The following CRHBP variants were observed in gnomAD, a reference collection of about 807,000 sequenced individuals.
The protein encoded by CRHBP is corticotropin releasing hormone binding protein.
Under a neutral mutation model 34.9 loss-of-function variants are expected in CRHBP, and 19 were observed. That is an observed-to-expected ratio of 0.55 (90% CI 0.38 to 0.80). CRHBP has a LOEUF of 0.80. CRHBP is among the 30% of genes least tolerant of loss of function. The pLI is 0.00. For missense variants in CRHBP, 328 were observed against 409.2 expected (o/e 0.80, Z 1.71); for synonymous variants, 154 against 153.4 (o/e 1.00, Z -0.03).
chr5:76,953,730 A>G (rs1157543479), intron 2 of CRHBP, 36 bp downstream of exon 2: 1 of 1,567,192 alleles, frequency 6.4e-7, no homozygotes, highest in Non-Finnish European at 8.7e-7. Flanking sequence ...GGCGCCCGGG[A>G]CGCGGGGAAG....
Position 76,955,851 on chromosome 5 carries a change from C to T in CRHBP, c.532C>T (p.Pro178Ser). Residue 178 changes from proline (P) to serine (S), a missense_variant, in exon 4 of 7, where the codon CCC becomes TCC. By Grantham distance (74) the Pro-to-Ser change is moderately conservative (BLOSUM62 -1). Transcript: ENST00000274368. ...ATTCACATTAACCATAAAGACAGAC[C>T]CCAACCTCTTTCGTAAGTGTTCTCA... is the stretch of plus-strand genomic sequence containing the variant. ...NGFTLTIKTDPNLFPCNVISQ... is the reference protein window; with the variant it reads ...NGFTLTIKTDSNLFPCNVISQ... 6.2e-7 allele frequency: 1 copy of T among 1,613,808 alleles called. No individual in the cohort carries two copies. The highest frequency in any genetic ancestry group is 8.5e-7 in the Non-Finnish European group (1 of 1,179,808).
downstream of CRHBP, among the ~76,000 whole-genome samples, chr5:76,972,504 A>AT (rs1399355451): frequency 6.6e-6 from 1 of 152,090 alleles, no homozygotes; most frequent in Non-Finnish European, 1.5e-5. Context: ...TCTCAAAAAA[A>AT]AAAAATTTAT....
intron 3 of CRHBP, among the ~76,000 whole-genome samples, chr5:76,978,014 C>A (rs1450815887): frequency 6.6e-6 from 1 of 152,140 alleles, no homozygotes; most frequent in Non-Finnish European, 1.5e-5. Flanking sequence ...AAGCCAAAAC[C>A]TAATCCAGAG....
At chr5:76,970,147 T>C (rs1480181971), downstream of CRHBP, among the ~76,000 whole-genome samples, 1 of 152,022 alleles carries the variant, frequency 6.6e-6, no homozygotes, top group East Asian at 1.9e-4. Context: ...GGTTTCACCA[T>C]GTTGGCCAAG....
intron 6 of CRHBP, among the ~76,000 whole-genome samples, chr5:76,965,473 G>A (rs918840411): frequency 1.4e-4 from 21 of 152,320 alleles, no homozygotes; most frequent in African/African-American, 5.1e-4. Flanking sequence ...TAAACTGTCA[G>A]TGCATGCGGC....
At chr5:76,976,133 C>T (rs1746032316) in intron 2 of CRHBP, among the ~76,000 whole-genome samples, 1 of 151,600 alleles carries the variant, frequency 6.6e-6, no homozygotes, top group South Asian at 2.1e-4. Context: ...CATCCTCACC[C>T]TCTCTTTTTA....
downstream of CRHBP, among the ~76,000 whole-genome samples, chr5:76,970,339 C>T (rs1427063113): frequency 6.6e-6 from 1 of 151,924 alleles, no homozygotes; most frequent in Non-Finnish European, 1.5e-5. Flanking sequence ...GTTCCTGAAA[C>T]ATATTTAATA....
intron 3 of CRHBP, among the ~76,000 whole-genome samples, chr5:76,979,007 A>C (rs1746079756): frequency 6.6e-6 from 1 of 152,264 alleles, no homozygotes; most frequent in African/African-American, 2.4e-5. Context: ...AAATTGCCAC[A>C]GCTGTTCCAG....
downstream of CRHBP, among the ~76,000 whole-genome samples, chr5:76,970,074 A>G (rs1300965126): frequency 6.7e-6 from 1 of 149,318 alleles, no homozygotes; most frequent in Non-Finnish European, 1.5e-5. Context: ...CAGCCTCCCA[A>G]GTAGCTGTGG....
intron 6 of CRHBP, among the ~76,000 whole-genome samples, chr5:76,968,194 GTTTTTTTTTGT>G (rs1456328230): frequency 9.8e-4 from 122 of 124,796 alleles, no homozygotes; most frequent in African/African-American, 3.8e-3. Flanking sequence ...ATAAACAGGT[GTTTTTTTTTGT>G]TTTTTTTTTT....
rs546204033 is a variant in CRHBP, at chr5:76,976,005, G to T, written n.312-360G>T. ...GGTCCATTGGCAAAGCTAAGAAAAT[G>T]GTAGATCAACTCTGCCTTCTGCTCA... On this transcript the variant is annotated intron_variant and non_coding_transcript_variant, in intron 2 of 3. Coordinates refer to the CRHBP transcript ENST00000514258. Among the ~76,000 whole-genome samples the T allele has an allele frequency of 8.0e-5, 12 of 149,176 alleles. No homozygotes were observed. The South Asian group carries it at 2.6e-3, about 32-fold the overall frequency.
intron 4 of CRHBP, among the ~76,000 whole-genome samples, chr5:76,956,816 A>G (rs1342481862): frequency 6.6e-6 from 1 of 152,196 alleles, no homozygotes; most frequent in Non-Finnish European, 1.5e-5. Flanking sequence ...AGGAACACAT[A>G]TCACTCATTT....
At chr5:76,968,636 C>A in intron 6 of CRHBP, 92 bp from the exon 7 acceptor site, 1 of 1,350,234 alleles carries the variant, frequency 7.4e-7, no homozygotes, top group Non-Finnish European at 1.0e-6. Context: ...GGTCTCCTTG[C>A]TTTCATTATG....
In CRHBP at chr5:76,963,480, G is replaced by A. The variant is rs140223710; in HGVS notation, c.811+20G>A. 3.3e-4 allele frequency: 513 copies of A among 1,568,986 alleles called. 3 individuals carry two copies. The African/African-American group carries it at 4.6e-3, about 14-fold the overall frequency. On this transcript the variant is annotated intron_variant, in intron 6 of 6. Transcript: ENST00000274368. ...GCCCGGGTGAGGTATTTCTTTGATT[G>A]TTATGTATGTGCCTATCAAGATTAA...
chr5:76,962,269 G>A (rs973573478), intron 5 of CRHBP, among the ~76,000 whole-genome samples: 2 of 152,126 alleles, frequency 1.3e-5, no homozygotes, highest in African/African-American at 4.8e-5. Context: ...AAATGAAAAT[G>A]TGGGAGCCCT....
intron 4 of CRHBP, 133 bp downstream of exon 4, chr5:76,955,996 C>A (rs1358093289): frequency 1.4e-6 from 1 of 709,442 alleles, no homozygotes; most frequent in Non-Finnish European, 2.3e-6. Context: ...TTAGAAATGA[C>A]CTAAAGGATA....
intron 5 of CRHBP, among the ~76,000 whole-genome samples, chr5:76,961,619 G>A (rs767934301): frequency 1.3e-5 from 2 of 152,172 alleles, no homozygotes; most frequent in South Asian, 2.1e-4. Context: ...GTACATAGTA[G>A]GTAGGCCCTT....
intron 2 of CRHBP, 79 bp downstream of exon 2, chr5:76,953,773 G>A (rs1451209281): frequency 2.1e-6 from 3 of 1,419,252 alleles, no homozygotes; most frequent in East Asian, 5.0e-5. Flanking sequence ...GAGGGCTCGC[G>A]GACATCTCGG....
rs76214989 is a variant in CRHBP, at chr5:76,968,848, G to A, written c.932G>A (p.Gly311Glu). 1 of 1,614,108 alleles carries A rather than the reference G, an allele frequency of 6.2e-7. No homozygotes were observed. Among genetic ancestry groups the A allele is most frequent in the East Asian group, 2.2e-5 (1 of 44,876 alleles). The stretch of plus-strand genomic sequence containing the variant: ...CCGTACGAGCTGGAAAACCCAAATG[G>A]AAACAGTATCGGGGAATTCTGTTTG... ...LEPYELENPN[G>E]NSIGEFCLSG... The change falls in exon 7 of 7, where the codon GGA becomes GAA. Residue 311 changes from glycine to glutamate, a missense_variant. Physicochemically the swap from Gly to Glu is moderately conservative, Grantham distance 98. This residue lies in a region of CRHBP where 144 missense variants were observed against 216.7 expected (regional missense o/e 0.66). Transcript: ENST00000274368.
Sources: gnomAD v4.1 joint callset for allele counts (sites outside exome capture counted in the v4.1 genomes callset) on GRCh38, gnomAD v4.1.1 for gene constraint, gnomAD v4.1.1 regional missense constraint, MANE v1.5 for transcripts, NCBI Gene and HGNC (gene_info 2026-07-23, HGNC 2026-07-21) for gene names.